Variants in MYO6 observed in about 807,000 individuals in gnomAD.
The protein encoded by MYO6 is myosin VI.
MYO6 carries 74 observed loss-of-function variants against 178.7 expected under a neutral mutation model. The ratio of observed to expected loss-of-function variants is 0.41; its 90% CI spans 0.34 to 0.50. The LOEUF (loss-of-function observed/expected upper bound fraction) is 0.50. Among genes scored for constraint, MYO6 ranks in the 20% least tolerant of loss-of-function variants. The pLI, the probability that MYO6 is intolerant of heterozygous loss-of-function variation, is 0.09. For missense variants in MYO6, 1,330 were observed against 1,547.4 expected, an observed-to-expected ratio of 0.86 and a Z score of 2.36; for synonymous variants, 477 against 504.6, an observed-to-expected ratio of 0.95 and a Z score of 0.73.
At chr6:75,791,787 T>G (rs1459194556) in intron 1 of MYO6, among the ~76,000 whole-genome samples, 2 of 152,252 alleles carry the variant, frequency 1.3e-5, no homozygotes, top group Non-Finnish European at 2.9e-5. Flanking sequence ...CAATTTAAAA[T>G]TGGTTACTTC....
intron 1 of MYO6, among the ~76,000 whole-genome samples, chr6:75,760,616 T>TAA (rs561420482): frequency 1.4e-5 from 2 of 148,116 alleles, no homozygotes; most frequent in Admixed American, 6.8e-5. Flanking sequence ...ATAACTGAGT[T>TAA]AAAAAAAAAA....
intron 1 of MYO6, among the ~76,000 whole-genome samples, chr6:75,769,938 C>G (rs1031590092): frequency 6.6e-6 from 1 of 151,950 alleles, no homozygotes; most frequent in Non-Finnish European, 1.5e-5. Flanking sequence ...GTGCCTGTGG[C>G]TTTTCCAGGT....
intron 1 of MYO6, among the ~76,000 whole-genome samples, chr6:75,815,274 G>A (rs1304679094): frequency 6.6e-6 from 1 of 152,120 alleles, no homozygotes; most frequent in Non-Finnish European, 1.5e-5. Flanking sequence ...GGATGATTTC[G>A]GGTTTGATTT....
chr6:75,778,519 C>T (rs1481708576), intron 1 of MYO6, among the ~76,000 whole-genome samples: 1 of 151,978 alleles, frequency 6.6e-6, no homozygotes, highest in Non-Finnish European at 1.5e-5. Flanking sequence ...ATGGCTTGAA[C>T]CCGGGAGGCG....
At chr6:75,800,807 A>G (rs1029666188) in intron 1 of MYO6, among the ~76,000 whole-genome samples, 1 of 152,132 alleles carries the variant, frequency 6.6e-6, no homozygotes, top group Non-Finnish European at 1.5e-5. Context: ...TACAATCTCC[A>G]TCCCCCAGGT....
At position 75,804,797 on chromosome 6, in the gene MYO6, C is replaced by A. The variant is rs191007613; in HGVS notation, c.-47-12704C>A. On this transcript the variant is annotated intron_variant, in intron 1 of 34. Transcript: ENST00000369977. ...TGGTGTCTTATTCTAGCACTTACAG[C>A]CAAAACCCAAATTACTTTTAGTTGG... Among the ~76,000 whole-genome samples, 4 of 151,374 alleles carry A rather than the reference C, an allele frequency of 2.6e-5. No homozygotes were observed. In the East Asian group the frequency reaches 7.8e-4, roughly 29 times the overall value.
chr6:75,799,102 C>G (rs1009531598), intron 1 of MYO6, among the ~76,000 whole-genome samples: 1 of 152,068 alleles, frequency 6.6e-6, no homozygotes, highest in Non-Finnish European at 1.5e-5. Flanking sequence ...TGAAAGAAAT[C>G]AGAAAACCAG....
chr6:75,798,356 A>G (rs1217049802), intron 1 of MYO6, among the ~76,000 whole-genome samples: 11 of 152,120 alleles, frequency 7.2e-5, no homozygotes, highest in African/African-American at 2.2e-4. Context: ...TTTTGTACCA[A>G]TACCATGCTG....
At chr6:75,783,881 A>C (rs2150060370) in intron 1 of MYO6, among the ~76,000 whole-genome samples, 1 of 152,286 alleles carries the variant, frequency 6.6e-6, no homozygotes, top group South Asian at 2.1e-4. Flanking sequence ...CTTATGGTTG[A>C]TGGGATGAGG....
chr6:75,898,083 A>G (rs950675812), intron 29 of MYO6, among the ~76,000 whole-genome samples: 1 of 152,196 alleles, frequency 6.6e-6, no homozygotes, highest in Admixed American at 6.5e-5. Flanking sequence ...TTTGTATTCT[A>G]TATGGAAAAG....
intron 1 of MYO6, among the ~76,000 whole-genome samples, chr6:75,750,998 T>A (rs1419145480): frequency 6.6e-6 from 1 of 152,218 alleles, no homozygotes; most frequent in Non-Finnish European, 1.5e-5. Context: ...AGCATTTCTG[T>A]ACAAATTAAC....
chr6:75,862,711 T>C lies in MYO6; in HGVS notation c.1662T>C (p.His554=). 6.2e-7 allele frequency: 1 copy of C among 1,614,082 alleles called. No individual in the cohort carries two copies. Among genetic ancestry groups the C allele is most frequent in the Non-Finnish European group, 8.5e-7 (1 of 1,179,970 alleles). Residue 554 remains histidine (H), a synonymous_variant, in exon 16 of 35, where the codon CAT becomes CAC. Coordinates refer to ENST00000369977, the MANE Select transcript of MYO6 (RefSeq NM_004999.4). ...TSAVHQKHKD[H]FRLTIPRKSK... ...CAGTTCACCAAAAGCACAAGGATCA[T>C]TTTCGACTCACTGTGAGTTTTGCCA... is the stretch of plus-strand genomic sequence containing the variant.
chr6:75,880,753 A>G (rs1022107374), intron 22 of MYO6, among the ~76,000 whole-genome samples: 2 of 152,228 alleles, frequency 1.3e-5, no homozygotes, highest in African/African-American at 2.4e-5. Flanking sequence ...CTTTAATTTA[A>G]TTTTGACTAT....
intron 28 of MYO6, among the ~76,000 whole-genome samples, chr6:75,893,663 G>A (rs931993185): frequency 6.6e-6 from 1 of 152,156 alleles, no homozygotes; most frequent in Non-Finnish European, 1.5e-5. Flanking sequence ...TTGCCATTGG[G>A]AAAACTGCAA....
chr6:75,809,145 A>C (rs985545882), intron 1 of MYO6, among the ~76,000 whole-genome samples: 1 of 152,226 alleles, frequency 6.6e-6, no homozygotes. Flanking sequence ...GAGGCATGTA[A>C]CTTTTTAAAA....
intron 1 of MYO6, among the ~76,000 whole-genome samples, chr6:75,773,304 G>C (rs1766060894): frequency 6.6e-6 from 1 of 152,158 alleles, no homozygotes; most frequent in Admixed American, 6.6e-5. Context: ...CAACTCTGCA[G>C]CTGAACCATT....
At chr6:75,806,791 G>A (rs1457301504) in intron 1 of MYO6, among the ~76,000 whole-genome samples, 1 of 152,234 alleles carries the variant, frequency 6.6e-6, no homozygotes, top group African/African-American at 2.4e-5. Flanking sequence ...TTAATCTAAT[G>A]TCTGTAGAAA....
chr6:75,891,104 C>A (rs954369937), intron 26 of MYO6, 124 bp from the exon 27 acceptor site: 1 of 598,588 alleles, frequency 1.7e-6, no homozygotes, highest in Non-Finnish European at 3.0e-6. Context: ...ATGTATGTGG[C>A]CAGGAGGTTA....
intron 1 of MYO6, among the ~76,000 whole-genome samples, chr6:75,759,458 G>A (rs1420201736): frequency 2.6e-5 from 4 of 152,208 alleles, no homozygotes; most frequent in Non-Finnish European, 5.9e-5. Flanking sequence ...GGGCTAGAGG[G>A]AGCTGCGGTT....
Sources: allele counts gnomAD v4.1 joint callset (sites outside exome capture counted in the v4.1 genomes callset), GRCh38; gene constraint gnomAD v4.1.1; transcripts MANE v1.5; gene names NCBI Gene and HGNC (gene_info 2026-07-23, HGNC 2026-07-21).